Variants in CCDC102B observed in about 807,000 individuals in gnomAD.
CCDC102B encodes coiled-coil domain containing 102B, also known as coiled-coil domain-containing protein 102B.
CCDC102B carries 75 observed loss-of-function variants against 57.4 expected under a neutral mutation model. The ratio of observed to expected loss-of-function variants is 1.31; its 90% confidence interval spans 1.08 to 1.58. CCDC102B has a LOEUF of 1.58. Ranked by LOEUF, CCDC102B falls within the 40% of genes most tolerant of loss-of-function variation. The probability of loss-of-function intolerance (pLI) is 0.00; values close to 1 mark genes in which losing one functional copy is unlikely to be tolerated. For synonymous variants in CCDC102B, 206 were observed against 201.9 expected (o/e 1.02, Z -0.17); for missense variants, 636 against 582.6 (o/e 1.09, Z -0.94).
intron 4 of CCDC102B, among the ~76,000 whole-genome samples, chr18:68,856,364 C>T (rs2038386454): frequency 6.6e-6 from 1 of 152,188 alleles, no homozygotes; most frequent in African/African-American, 2.4e-5. Context: ...AATCCTAGCT[C>T]ACGGAAGCTG....
At chr18:68,883,868 C>T (rs1470302912) in intron 5 of CCDC102B, among the ~76,000 whole-genome samples, 1 of 152,164 alleles carries the variant, frequency 6.6e-6, no homozygotes, top group Non-Finnish European at 1.5e-5. Context: ...TAATAAGCCC[C>T]TCCTGTTTGT....
chr18:68,767,735 T>C (rs948722045), intron 2 of CCDC102B, among the ~76,000 whole-genome samples: 2 of 152,202 alleles, frequency 1.3e-5, no homozygotes, highest in African/African-American at 4.8e-5. Context: ...CTTATGGTCA[T>C]ATAAAATTTT....
At chr18:68,752,613 AT>A in intron 2 of CCDC102B, among the ~76,000 whole-genome samples, 1 of 152,184 alleles carries the variant, frequency 6.6e-6, no homozygotes, top group East Asian at 1.9e-4. Flanking sequence ...AGCTTTAAAT[AT>A]TTTTAAACCT....
At chr18:68,800,929 A>G (rs1217457275) in intron 1 of CCDC102B, among the ~76,000 whole-genome samples, 14 of 152,166 alleles carry the variant, frequency 9.2e-5, no homozygotes, top group Admixed American at 9.2e-4. Flanking sequence ...TCAAAGTAGA[A>G]CTAGTATCTG....
Position 69,031,086 on chromosome 18 carries a change from A to G in CCDC102B, c.1434+19982A>G, listed in dbSNP as rs1433775701. Among the ~76,000 whole-genome samples the G allele has an allele frequency of 3.3e-5, 5 of 152,352 alleles. No individual in the cohort carries two copies. In the East Asian group the frequency reaches 5.8e-4, roughly 18 times the overall value. The stretch of plus-strand genomic sequence containing the variant: ...AGGTGCTTATGACCTAAAGGGCTTC[A>G]TTAACAAAGAAGAGGTTGCATGTAA... On this transcript the variant is annotated intron_variant, in intron 7 of 7. Coordinates refer to ENST00000360242, the MANE Select transcript of CCDC102B (RefSeq NM_024781.3).
chr18:68,764,960 T>A (rs1235483300), intron 2 of CCDC102B, among the ~76,000 whole-genome samples: 1 of 151,356 alleles, frequency 6.6e-6, no homozygotes, highest in Non-Finnish European at 1.5e-5. Context: ...GGTAGGAGGA[T>A]CACCTGAGTC....
intron 6 of CCDC102B, among the ~76,000 whole-genome samples, chr18:68,940,746 T>C (rs2049357076): frequency 6.6e-6 from 1 of 151,942 alleles, no homozygotes; most frequent in South Asian, 2.1e-4. Context: ...CATATAGCTA[T>C]GCACACTTTT....
At chr18:68,982,505 T>C (rs886502104) in intron 6 of CCDC102B, among the ~76,000 whole-genome samples, 4 of 151,916 alleles carry the variant, frequency 2.6e-5, no homozygotes, top group African/African-American at 9.7e-5. Context: ...GATATTTTCT[T>C]CCCCCACTCT....
Position 68,798,109 on chromosome 18 carries a change from G to A in CCDC102B, c.-88G>A, listed in dbSNP as rs2035697491. ...CTCCAGAACTGTACGGATGAGAAAA[G>A]GATGCAGGAAATTCTGTTGTTTACA... is the stretch of plus-strand genomic sequence containing the variant. On this transcript the variant is annotated 5_prime_UTR_variant, in exon 1 of 8. Transcript: ENST00000360242. 1 of 152,126 alleles carries A rather than the reference G, an allele frequency of 6.6e-6. No homozygotes were observed. Among genetic ancestry groups the A allele is most frequent in the South Asian group, 2.1e-4 (1 of 4,830 alleles). The allele number at this position is 152,126 out of a possible 1,614,324, so 9.4% of individuals were successfully genotyped here.
intron 1 of CCDC102B, among the ~76,000 whole-genome samples, chr18:68,808,470 T>G (rs1158834412): frequency 0.01 from 1,088 of 104,534 alleles, 11 homozygotes; most frequent in Non-Finnish European, 0.017. Flanking sequence ...TTTTACTACT[T>G]TTTTTTTTTT....
chr18:68,727,914 C>T (rs911118316), intron 2 of CCDC102B, among the ~76,000 whole-genome samples: 1 of 152,176 alleles, frequency 6.6e-6, no homozygotes, highest in Non-Finnish European at 1.5e-5. Flanking sequence ...TTTGGTCTAG[C>T]AAGTGGACTG....
intron 1 of CCDC102B, among the ~76,000 whole-genome samples, chr18:68,832,069 T>C (rs1262037128): frequency 6.6e-6 from 1 of 152,126 alleles, no homozygotes; most frequent in Non-Finnish European, 1.5e-5. Context: ...CAAATGGCTT[T>C]TGTTATTTTG....
upstream of CCDC102B, chr18:68,715,219 A>C: frequency 2.2e-6 from 3 of 1,371,146 alleles, no homozygotes; most frequent in Non-Finnish European, 2.8e-6. Flanking sequence ...ATGTCTTAAG[A>C]ATCCTTTGCG....
chr18:69,036,277 A>G (rs1316342592), intron 7 of CCDC102B, among the ~76,000 whole-genome samples: 1 of 152,074 alleles, frequency 6.6e-6, no homozygotes, highest in Non-Finnish European at 1.5e-5. Flanking sequence ...CATTGTCCCC[A>G]AATTATGAAG....
chr18:68,828,171 C>T (rs2036982569), intron 1 of CCDC102B, among the ~76,000 whole-genome samples: 1 of 151,548 alleles, frequency 6.6e-6, no homozygotes, highest in Non-Finnish European at 1.5e-5. Flanking sequence ...AAAATGACTA[C>T]ACAGAATATC....
intron 6 of CCDC102B, among the ~76,000 whole-genome samples, chr18:68,969,415 C>T (rs1311196808): frequency 6.6e-6 from 1 of 151,686 alleles, no homozygotes; most frequent in Non-Finnish European, 1.5e-5. Flanking sequence ...GAAATTTAGT[C>T]TGGACTACCT....
chr18:68,846,948 T>C (rs2037893476), intron 4 of CCDC102B, among the ~76,000 whole-genome samples: 1 of 151,822 alleles, frequency 6.6e-6, no homozygotes, highest in Non-Finnish European at 1.5e-5. Context: ...CCAGGGTACT[T>C]TTCTTTTGCA....
chr18:68,944,788 G>A (rs1411130634), intron 6 of CCDC102B, among the ~76,000 whole-genome samples: 2 of 152,022 alleles, frequency 1.3e-5, no homozygotes, highest in East Asian at 1.9e-4. Context: ...GAGCTGGCAG[G>A]TTCCAGCCTC....
At chr18:69,040,028 T>C (rs1465724743) in intron 7 of CCDC102B, among the ~76,000 whole-genome samples, 2 of 151,980 alleles carry the variant, frequency 1.3e-5, no homozygotes, top group African/African-American at 2.4e-5. Context: ...TTATTTACTC[T>C]ATGAGATAAA....
Sources: allele counts gnomAD v4.1 joint callset (sites outside exome capture counted in the v4.1 genomes callset), GRCh38; gene constraint gnomAD v4.1.1; transcripts MANE v1.5; gene names NCBI Gene and HGNC (gene_info 2026-07-23, HGNC 2026-07-21).